The following MEMO1 variants were observed in gnomAD, a reference collection of about 807,000 sequenced individuals.
MEMO1 encodes mediator of cell motility 1, also known as protein MEMO1.
MEMO1 carries 6 observed loss-of-function variants against 45.2 expected under a neutral mutation model. The observed-to-expected ratio is 0.13, with a 90% CI of 0.07 to 0.26. MEMO1 has a LOEUF of 0.26. MEMO1 is among the 10% of genes least tolerant of loss of function. The pLI, the probability that MEMO1 is intolerant of heterozygous loss-of-function variation, is 1.00. For missense variants in MEMO1, 184 were observed against 370.5 expected (o/e 0.50, Z 4.13); for synonymous variants, 78 against 124.3 (o/e 0.63, Z 2.48).
At chr2:31,919,177 G>T (rs775601001) in intron 5 of MEMO1, among the ~76,000 whole-genome samples, 1 of 151,278 alleles carries the variant, frequency 6.6e-6, no homozygotes, top group Non-Finnish European at 1.5e-5. Context: ...CCCAGGCCAG[G>T]CTGGGTGACA....
At position 31,965,315 on chromosome 2, in the gene MEMO1, C is replaced by CGGAGGGAGGGAAGGAGGGAT. The variant is rs1558538219; in HGVS notation, c.62-21933_62-21932insATCCCTCCTTCCCTCCCTCC. The stretch of plus-strand genomic sequence containing the variant: ...AAGAAGGGAAGGAGGGAAGGAGGGA[C>CGGAGGGAGGGAAGGAGGGAT]GGAGGGAGGAAGAGAGGGAGGGAAT... On this transcript the variant is annotated intron_variant, in intron 2 of 9. Transcript: ENST00000404530. Among the ~76,000 whole-genome samples the CGGAGGGAGGGAAGGAGGGAT allele has an allele frequency of 3.3e-5, 5 of 150,282 alleles. No individual in the cohort carries two copies. The South Asian group carries it at 8.4e-4, about 25-fold the overall frequency.
chr2:31,923,730 A>G, intron 4 of MEMO1: 3 of 1,539,748 alleles, frequency 1.9e-6, no homozygotes, highest in Non-Finnish European at 2.6e-6. Flanking sequence ...GCACTCCTGG[A>G]AAATCTGAAA....
At chr2:32,006,150 G>A (rs1674037978) in intron 2 of MEMO1, among the ~76,000 whole-genome samples, 1 of 152,228 alleles carries the variant, frequency 6.6e-6, no homozygotes, top group Admixed American at 6.5e-5. Flanking sequence ...GGCAAGTTAT[G>A]AGGGGACTTA....
intron 3 of MEMO1, among the ~76,000 whole-genome samples, chr2:31,934,482 A>C (rs1664672516): frequency 1.3e-5 from 2 of 152,030 alleles, no homozygotes; most frequent in Admixed American, 1.3e-4. Flanking sequence ...AAAAAAAAAA[A>C]ACAAGAAAAG....
intron 2 of MEMO1, among the ~76,000 whole-genome samples, chr2:31,949,611 T>C (rs1034247494): frequency 2.3e-5 from 3 of 130,990 alleles, no homozygotes; most frequent in African/African-American, 8.7e-5. Flanking sequence ...TATTGGAGGG[T>C]TGGATAGGAG....
intron 2 of MEMO1, among the ~76,000 whole-genome samples, chr2:31,954,869 TC>T (rs1667233941): frequency 6.6e-6 from 1 of 151,374 alleles, no homozygotes; most frequent in Admixed American, 6.6e-5. Context: ...CTAGGTTTTA[TC>T]CCAGAGATGT....
At chr2:31,878,705 A>G (rs1674927993) in intron 8 of MEMO1, among the ~76,000 whole-genome samples, 1 of 152,182 alleles carries the variant, frequency 6.6e-6, no homozygotes, top group Non-Finnish European at 1.5e-5. Flanking sequence ...CTTGCTAAAG[A>G]CCATGTCCAG....
chr2:31,985,142 G>C (rs1314469221), intron 2 of MEMO1, among the ~76,000 whole-genome samples: 1 of 152,128 alleles, frequency 6.6e-6, no homozygotes, highest in Non-Finnish European at 1.5e-5. Flanking sequence ...AATCCTGACA[G>C]TGTCACTATT....
At chr2:31,896,679 A>T (rs1412048543) in intron 6 of MEMO1, among the ~76,000 whole-genome samples, 1 of 152,224 alleles carries the variant, frequency 6.6e-6, no homozygotes, top group Non-Finnish European at 1.5e-5. Flanking sequence ...AACTGAATTT[A>T]ACAAAATGAA....
At chr2:31,878,673 C>T (rs540424747) in intron 8 of MEMO1, among the ~76,000 whole-genome samples, 2 of 152,230 alleles carry the variant, frequency 1.3e-5, no homozygotes, top group East Asian at 1.9e-4. Context: ...AAAAGCATTA[C>T]TTTCATAAAA....
intron 4 of MEMO1, among the ~76,000 whole-genome samples, chr2:31,925,104 G>C (rs1188756820): frequency 1.3e-5 from 2 of 152,064 alleles, no homozygotes; most frequent in Admixed American, 1.3e-4. Flanking sequence ...GCAGTTCCTT[G>C]ATAACACCAA....
At chr2:31,991,636 T>C (rs1056628372) in intron 2 of MEMO1, among the ~76,000 whole-genome samples, 4 of 151,854 alleles carry the variant, frequency 2.6e-5, no homozygotes, top group Admixed American at 2.6e-4. Flanking sequence ...TAAAATTTAA[T>C]TTAATTAAGT....
chr2:31,906,767 C>T (rs1375253978), intron 6 of MEMO1, among the ~76,000 whole-genome samples: 1 of 152,148 alleles, frequency 6.6e-6, no homozygotes, highest in Non-Finnish European at 1.5e-5. Context: ...AATCTATTTT[C>T]CAGTTCTCTA....
At chr2:31,953,305 T>G (rs2148370362) in intron 2 of MEMO1, among the ~76,000 whole-genome samples, 1 of 144,562 alleles carries the variant, frequency 6.9e-6, no homozygotes, top group East Asian at 2.1e-4. Context: ...AGGCAGAGGT[T>G]GCAGTGGGCT....
chr2:31,947,513 T>C lies in MEMO1; in HGVS notation c.62-4130A>G, dbSNP rs372009811. Reference sequence around the variant, plus strand: ...AGAAATACGTGCTTTGATTTTCAAATACCACTGGGTTTGAAGAAATACTGA... The same window carrying C: ...AGAAATACGTGCTTTGATTTTCAAACACCACTGGGTTTGAAGAAATACTGA... On this transcript the variant is annotated intron_variant, in intron 2 of 9. Coordinates refer to ENST00000404530, the MANE Select transcript of MEMO1 (RefSeq NM_001301833.4). Among the ~76,000 whole-genome samples the C allele has an allele frequency of 9.2e-5, 14 of 152,310 alleles. No individual in the cohort carries two copies. The East Asian group carries it at 9.6e-4, about 10-fold the overall frequency.
At chr2:31,945,710 G>GTGGGAGGACAGGGTGCCTAACTT (rs547048908) in intron 2 of MEMO1, among the ~76,000 whole-genome samples, 86 of 152,310 alleles carry the variant, frequency 5.6e-4, no homozygotes, top group African/African-American at 2.0e-3. Context: ...CCCAGTTTCT[G>GTGGGAGGACAGGGTGCCTAACTT]TGGGAGGACA....
chr2:31,939,185 C>T (rs1665314328), intron 3 of MEMO1, among the ~76,000 whole-genome samples: 1 of 150,772 alleles, frequency 6.6e-6, no homozygotes, highest in Non-Finnish European at 1.5e-5. Context: ...CTTGGCTATA[C>T]TTATAAAGTC....
intron 3 of MEMO1, among the ~76,000 whole-genome samples, chr2:31,937,097 G>C (rs1352525795): frequency 6.6e-6 from 1 of 152,094 alleles, no homozygotes; most frequent in East Asian, 1.9e-4. Flanking sequence ...CTTCCACATT[G>C]CCTCTCTCAA....
intron 3 of MEMO1, among the ~76,000 whole-genome samples, chr2:31,937,808 T>A (rs572188164): frequency 6.6e-6 from 1 of 152,280 alleles, no homozygotes; most frequent in Non-Finnish European, 1.5e-5. Context: ...GTAAAAAAAA[T>A]TCATGTTAAC....
Sources: allele counts gnomAD v4.1 joint callset (sites outside exome capture counted in the v4.1 genomes callset), GRCh38; gene constraint gnomAD v4.1.1; transcripts MANE v1.5; gene names NCBI Gene and HGNC (gene_info 2026-07-23, HGNC 2026-07-21).